The following NF1 variants were observed in gnomAD, a reference collection of about 807,000 sequenced individuals.
The protein encoded by NF1 is neurofibromin 1.
NF1 carries 122 observed loss-of-function variants against 325.7 expected under a neutral mutation model. The observed-to-expected ratio is 0.37, with a 90% confidence interval of 0.32 to 0.44. The LOEUF (loss-of-function observed/expected upper bound fraction) is 0.44, where lower values mean the gene tolerates loss of function less well. NF1 is among the 20% of genes least tolerant of loss of function. The pLI is 1.00. For missense variants in NF1, 2,140 were observed against 3,415.4 expected (o/e 0.63, Z 9.31); for synonymous variants, 1,091 against 1,186.0 (o/e 0.92, Z 1.65).
chr17:31,232,247 CA>C (rs2067125942), intron 25 of NF1, 58 bp downstream of exon 25: 5 of 1,002,270 alleles, frequency 5.0e-6, no homozygotes, highest in Admixed American at 1.7e-5. Flanking sequence ...CCCCACCACA[CA>C]AAAAAAGCAA....
chr17:31,260,545 A>T (rs904786858), intron 34 of NF1, 30 bp downstream of exon 34: 1 of 1,611,086 alleles, frequency 6.2e-7, no homozygotes, highest in Non-Finnish European at 8.5e-7. Context: ...GGGATAGTGA[A>T]CACTCTCCGT....
chr17:31,095,598 G>T (rs1911605933), intron 1 of NF1: 1 of 567,982 alleles, frequency 1.8e-6, no homozygotes, highest in South Asian at 2.1e-5. Flanking sequence ...TAAGTCGGGG[G>T]GTGGGGCCTT....
In NF1 at chr17:31,122,709, G is replaced by C. The variant is rs144162566; in HGVS notation, c.60+27340G>C. Among the ~76,000 whole-genome samples the C allele has an allele frequency of 3.7e-3, 564 of 152,306 alleles. 3 individuals carry two copies. Among genetic ancestry groups the C allele is most frequent in the South Asian group, 8.5e-3 (41 of 4,834 alleles). On this transcript the variant is annotated intron_variant, in intron 1 of 57. Transcript: ENST00000358273. Reference sequence around the variant, plus strand: ...ATAAATTGAAGATTAATTATATGAAGTATATGGTTTGTAATCTCAATTGAA... The same window carrying C: ...ATAAATTGAAGATTAATTATATGAACTATATGGTTTGTAATCTCAATTGAA...
intron 8 of NF1, chr17:31,183,203 A>G (rs762446186): frequency 1.4e-4 from 31 of 223,226 alleles, no homozygotes; most frequent in Non-Finnish European, 2.6e-4. Context: ...TTTTTTAAAT[A>G]TCACCTAGGT....
At position 31,252,947 on chromosome 17, in the gene NF1, C is replaced by G. The variant is rs764123241; in HGVS notation, c.4120C>G (p.His1374Asp). Residue 1374 changes from histidine (H) to aspartate (D), a missense_variant, in exon 31 of 58, where the codon CAC (histidine) becomes GAC (aspartate). By Grantham distance (81) the His-to-Asp change is moderately conservative. Coordinates refer to ENST00000358273, the MANE Select transcript of NF1 (RefSeq NM_001042492.3). ...VCHCLYQATC[H>D]SLLNKATVKE... Reference sequence around the variant, plus strand: ...CATCTCTGTTCTGTAGGCAACTTGCCACTCCCTACTGAATAAAGCTACAGT... The same window carrying G: ...CATCTCTGTTCTGTAGGCAACTTGCGACTCCCTACTGAATAAAGCTACAGT... The G allele has an allele frequency of 6.2e-7, 1 of 1,613,432 alleles. No homozygotes were observed.
chr17:31,266,435 C>G (rs1189664531), intron 36 of NF1, among the ~76,000 whole-genome samples: 4 of 152,152 alleles, frequency 2.6e-5, no homozygotes, highest in Non-Finnish European at 2.9e-5. Flanking sequence ...CCGCCACCCC[C>G]CTGCCCTTTA....
intron 36 of NF1, chr17:31,318,635 C>G: frequency 6.2e-7 from 1 of 1,614,066 alleles, no homozygotes; most frequent in Non-Finnish European, 8.5e-7. Flanking sequence ...TTGTTTTCCG[C>G]ACAGACATCC....
intron 36 of NF1, among the ~76,000 whole-genome samples, chr17:31,293,331 G>A (rs1412460260): frequency 2.0e-5 from 3 of 151,988 alleles, no homozygotes; most frequent in Non-Finnish European, 4.4e-5. Flanking sequence ...GTACTAATCA[G>A]TGTTTGGGAG....
chr17:31,363,436 CTTTTT>C (rs5819928), intron 57 of NF1, among the ~76,000 whole-genome samples: 1 of 112,466 alleles, frequency 8.9e-6, no homozygotes. Context: ...TTATCTCTCT[CTTTTT>C]TTTTTTTTTT....
intron 36 of NF1, among the ~76,000 whole-genome samples, chr17:31,268,474 A>C (rs1403993386): frequency 6.6e-6 from 1 of 151,830 alleles, no homozygotes; most frequent in Non-Finnish European, 1.5e-5. Context: ...TAAAACACAA[A>C]AAATTAGGCA....
At chr17:31,167,032 C>T (rs190909206) in intron 4 of NF1, among the ~76,000 whole-genome samples, 39 of 152,250 alleles carry the variant, frequency 2.6e-4, no homozygotes, top group Non-Finnish European at 2.8e-4. Context: ...GCTCAGACTA[C>T]GCTTTATTTG....
chr17:31,246,553 T>C (rs2067394336), intron 29 of NF1, among the ~76,000 whole-genome samples: 1 of 152,198 alleles, frequency 6.6e-6, no homozygotes, highest in South Asian at 2.1e-4. Flanking sequence ...TAAGGGGACA[T>C]AGGTAAATAC....
rs191122747 is a variant in NF1, at chr17:31,277,006, G to C, written c.4835+11667G>C. Among the ~76,000 whole-genome samples the C allele has an allele frequency of 9.2e-5, 14 of 152,286 alleles. No homozygotes were observed. The East Asian group carries it at 2.7e-3, about 29-fold the overall frequency. On this transcript the variant is annotated intron_variant, in intron 36 of 57. Coordinates refer to ENST00000358273, the MANE Select transcript of NF1 (RefSeq NM_001042492.3). ...TAACATGTTTTGTAAGTTAAATGTT[G>C]TATATGCTATATTCTTAGAGTGAAA...
intron 30 of NF1, chr17:31,252,116 G>A (rs2067504063): frequency 5.1e-6 from 1 of 196,242 alleles, no homozygotes; most frequent in African/African-American, 2.8e-5. Context: ...GGTTTTTTAG[G>A]TGGCTTTTTT....
intron 31 of NF1, chr17:31,254,405 TTTG>T (rs1162795411): frequency 3.3e-5 from 5 of 152,136 alleles, no homozygotes; most frequent in African/African-American, 1.2e-4. Flanking sequence ...GACATATACT[TTTG>T]TTGTGTCCAT....
rs773151680 is a variant in NF1 at position 31,259,130 on chromosome 17, G to A, written c.4430+1G>A. ...AAAGCAACTTTGATGCAGCACGCAG[G>A]TAATTTTCTTGCCACTTACTCAGTT... On this transcript the variant is annotated splice_donor_variant, in intron 33 of 57. Coordinates refer to ENST00000358273, the MANE Select transcript of NF1 (RefSeq NM_001042492.3). LOFTEE classifies it high-confidence loss of function. 1 of 1,592,536 alleles carries A rather than the reference G, an allele frequency of 6.3e-7. No homozygotes were observed.
At chr17:31,166,420 C>G (rs2065845592) in intron 4 of NF1, among the ~76,000 whole-genome samples, 1 of 152,052 alleles carries the variant, frequency 6.6e-6, no homozygotes, top group African/African-American at 2.4e-5. Context: ...GCAAAGTTAT[C>G]TTTAGTGTGG....
intron 8 of NF1, among the ~76,000 whole-genome samples, chr17:31,189,487 C>T (rs879746096): frequency 1.3e-5 from 2 of 152,172 alleles, no homozygotes; most frequent in Admixed American, 1.3e-4. Flanking sequence ...CTGTGCAGAA[C>T]ATTTTCATCT....
chr17:31,286,290 TTG>T (rs2068225510), intron 36 of NF1, among the ~76,000 whole-genome samples: 1 of 152,156 alleles, frequency 6.6e-6, no homozygotes, highest in Non-Finnish European at 1.5e-5. Flanking sequence ...AGACAGGGTT[TTG>T]CTCTGTTGGC....
Sources: allele counts gnomAD v4.1 joint callset (sites outside exome capture counted in the v4.1 genomes callset), GRCh38; gene constraint gnomAD v4.1.1; transcripts MANE v1.5; gene names NCBI Gene and HGNC (gene_info 2026-07-23, HGNC 2026-07-21).